The following PDE4D variants were observed in gnomAD, a reference collection of about 807,000 sequenced individuals.
PDE4D encodes the protein 3',5'-cyclic-AMP phosphodiesterase 4D.
PDE4D carries 24 observed loss-of-function variants against 87.4 expected under a neutral mutation model. The ratio of observed to expected loss-of-function variants is 0.27; its 90% CI spans 0.20 to 0.39. The LOEUF is 0.39. Ranked by LOEUF, PDE4D falls within the 10% of genes least tolerant of loss-of-function variation. The probability of loss-of-function intolerance (pLI) is 1.00; values close to 1 mark genes in which losing one functional copy is unlikely to be tolerated. For missense variants in PDE4D, 714 were observed against 1,041.0 expected, an observed-to-expected ratio of 0.69 and a Z score of 4.32; for synonymous variants, 384 against 383.2, an observed-to-expected ratio of 1.00 and a Z score of -0.02.
intron 2 of PDE4D, among the ~76,000 whole-genome samples, chr5:60,109,393 A>C (rs1221936548): frequency 6.6e-6 from 1 of 151,638 alleles, no homozygotes; most frequent in African/African-American, 2.4e-5. Context: ...AGAAATAGGA[A>C]CACTTTTACA....
intron 1 of PDE4D, among the ~76,000 whole-genome samples, chr5:60,416,365 CTT>C (rs1322765638): frequency 2.0e-5 from 3 of 151,776 alleles, no homozygotes; most frequent in Admixed American, 6.6e-5. Flanking sequence ...TTTTTTCACT[CTT>C]TGCAATAAAT....
rs1374248484 is a variant in PDE4D, at chr5:58,971,570, TATC to T, written c.*3091_*3093del. 1.3e-5 allele frequency: 2 copies of T among 152,620 alleles called. No individual in the cohort carries two copies. Among genetic ancestry groups the T allele is most frequent in the African/African-American group, 2.4e-5 (1 of 41,440 alleles). The allele number at this position is 152,620 out of a possible 1,614,324, so 9.5% of individuals were successfully genotyped here. On this transcript the variant is annotated 3_prime_UTR_variant, in exon 15 of 15. Transcript: ENST00000340635. The stretch of plus-strand genomic sequence containing the variant: ...AAAAATAAATAATGCATTCAAAAAT[TATC>T]ATAAAGCTTTCTGTAAAATCCATTT...
chr5:59,174,851 G>T (rs1192094903), intron 5 of PDE4D, among the ~76,000 whole-genome samples: 1 of 152,026 alleles, frequency 6.6e-6, no homozygotes, highest in Non-Finnish European at 1.5e-5. Context: ...CTCTCACTAG[G>T]TCTCAGTTTT....
At chr5:59,459,941 C>A (rs1800509317) in intron 1 of PDE4D, among the ~76,000 whole-genome samples, 1 of 152,092 alleles carries the variant, frequency 6.6e-6, no homozygotes, top group Non-Finnish European at 1.5e-5. Context: ...AGACATAAAA[C>A]CAAGAACAAT....
At chr5:59,110,456 CA>C (rs1229065160) in intron 5 of PDE4D, among the ~76,000 whole-genome samples, 7 of 152,368 alleles carry the variant, frequency 4.6e-5, no homozygotes, top group South Asian at 2.1e-4. Flanking sequence ...CCAGCATGTA[CA>C]CAGCACACAG....
chr5:59,132,154 A>G (rs1234161909), intron 5 of PDE4D, among the ~76,000 whole-genome samples: 6 of 152,316 alleles, frequency 3.9e-5, no homozygotes, highest in African/African-American at 1.4e-4. Flanking sequence ...GTTTAATAAT[A>G]TACATTATAA....
chr5:59,745,972 A>G (rs1204384782), intron 1 of PDE4D, among the ~76,000 whole-genome samples: 1 of 152,240 alleles, frequency 6.6e-6, no homozygotes. Context: ...TATAAATGTT[A>G]AAACCTGGCA....
intron 2 of PDE4D, among the ~76,000 whole-genome samples, chr5:59,199,971 T>C (rs183716963): frequency 1.6e-4 from 24 of 149,508 alleles, no homozygotes; most frequent in South Asian, 4.2e-4. Context: ...TACAGGCACA[T>C]ACATACATAT....
At chr5:60,433,102 C>T (rs1217106759) in intron 1 of PDE4D, among the ~76,000 whole-genome samples, 1 of 152,096 alleles carries the variant, frequency 6.6e-6, no homozygotes, top group East Asian at 1.9e-4. Context: ...AACTAAAGAG[C>T]TTCTGCACAG....
chr5:59,791,430 T>C (rs1765775878), intron 1 of PDE4D, among the ~76,000 whole-genome samples: 1 of 152,206 alleles, frequency 6.6e-6, no homozygotes, highest in Non-Finnish European at 1.5e-5. Flanking sequence ...ATTGCATGCT[T>C]TCTTTAACCT....
chr5:60,162,104 G>C (rs1430318948), intron 2 of PDE4D, among the ~76,000 whole-genome samples: 2 of 152,038 alleles, frequency 1.3e-5, no homozygotes, highest in East Asian at 3.8e-4. Flanking sequence ...AAACAGTGGG[G>C]GTGGGGGCCT....
chr5:59,512,082 T>C (rs1810373213), intron 1 of PDE4D, among the ~76,000 whole-genome samples: 2 of 152,190 alleles, frequency 1.3e-5, no homozygotes, highest in Admixed American at 6.5e-5. Flanking sequence ...GTTTTTGTGC[T>C]CAACTGCTCA....
At chr5:59,865,838 G>A (rs1360209191) in intron 1 of PDE4D, among the ~76,000 whole-genome samples, 1 of 152,198 alleles carries the variant, frequency 6.6e-6, no homozygotes, top group Non-Finnish European at 1.5e-5. Context: ...TGAGGAAACT[G>A]AGTCAGAGAT....
At chr5:59,406,378 CTTT>C in intron 1 of PDE4D, among the ~76,000 whole-genome samples, 1 of 76,920 alleles carries the variant, frequency 1.3e-5, no homozygotes, top group Non-Finnish European at 2.6e-5. Flanking sequence ...TCTCCCTTAT[CTTT>C]CCTTATCTTT....
At chr5:59,386,156 T>C (rs1352894122) in intron 1 of PDE4D, among the ~76,000 whole-genome samples, 5 of 152,156 alleles carry the variant, frequency 3.3e-5, no homozygotes, top group Non-Finnish European at 5.9e-5. Context: ...TTCACTACAA[T>C]TGATTAGGAG....
intron 1 of PDE4D, among the ~76,000 whole-genome samples, chr5:59,781,784 CAAAAAA>C (rs58613622): frequency 2.0e-4 from 8 of 39,862 alleles, no homozygotes; most frequent in Admixed American, 4.5e-4. Context: ...CACTCCATCT[CAAAAAA>C]AAAAAAAAAA....
intron 6 of PDE4D, among the ~76,000 whole-genome samples, chr5:58,998,824 T>G (rs1749818004): frequency 6.6e-6 from 1 of 152,154 alleles, no homozygotes; most frequent in Non-Finnish European, 1.5e-5. Context: ...CCTTCTATTG[T>G]GGAGACAGGA....
chr5:59,748,386 G>C (rs1307689671), intron 1 of PDE4D, among the ~76,000 whole-genome samples: 2 of 152,076 alleles, frequency 1.3e-5, no homozygotes, highest in African/African-American at 2.4e-5. Context: ...CAATAGCAAA[G>C]ACTTGGAACC....
intron 1 of PDE4D, among the ~76,000 whole-genome samples, chr5:60,370,034 TAA>T (rs1203562220): frequency 6.6e-6 from 1 of 152,150 alleles, no homozygotes; most frequent in Admixed American, 6.5e-5. Flanking sequence ...AGTGCCTCTG[TAA>T]AGTCCTAAAT....
Sources: gnomAD v4.1 joint callset for allele counts (sites outside exome capture counted in the v4.1 genomes callset) on GRCh38, gnomAD v4.1.1 for gene constraint, MANE v1.5 for transcripts, NCBI Gene and HGNC (gene_info 2026-07-23, HGNC 2026-07-21) for gene names.